The following BMAL1 variants were observed in gnomAD, a reference collection of about 807,000 sequenced individuals.
BMAL1 encodes basic helix-loop-helix ARNT-like protein 1.
the BMAL1 span, among the ~76,000 whole-genome samples, chr11:13,284,116 A>ATG: frequency 9.8e-6 from 1 of 101,666 alleles, no homozygotes; most frequent in Non-Finnish European, 1.9e-5. Flanking sequence ...GTGTGTATAT[A>ATG]TATGTGTGTG....
the BMAL1 span, among the ~76,000 whole-genome samples, chr11:13,298,290 A>G: frequency 6.6e-6 from 1 of 152,158 alleles, no homozygotes; most frequent in African/African-American, 2.4e-5. Context: ...CTTCCTGTTT[A>G]AGCTCTCCCT....
the BMAL1 span, among the ~76,000 whole-genome samples, chr11:13,368,985 T>TA: frequency 6.6e-6 from 1 of 152,264 alleles, no homozygotes; most frequent in Non-Finnish European, 1.5e-5. Context: ...ATTTAACACT[T>TA]ACAGCACATT....
the BMAL1 span, among the ~76,000 whole-genome samples, chr11:13,315,237 C>G: frequency 6.6e-6 from 1 of 152,148 alleles, no homozygotes; most frequent in Non-Finnish European, 1.5e-5. Flanking sequence ...TATGCTGTTC[C>G]CTCAGCCTGG....
the BMAL1 span, among the ~76,000 whole-genome samples, chr11:13,298,795 C>T: frequency 1.6e-4 from 24 of 152,354 alleles, no homozygotes; most frequent in African/African-American, 5.1e-4. Context: ...CTGAGCCTTT[C>T]TGCAGTCCCT....
chr11:13,293,851 C>G, the BMAL1 span, among the ~76,000 whole-genome samples: 1 of 152,212 alleles, frequency 6.6e-6, no homozygotes, highest in Non-Finnish European at 1.5e-5. Context: ...TGATTTGGTC[C>G]ATGGGCAGGT....
chr11:13,288,609 G>C, the BMAL1 span, among the ~76,000 whole-genome samples: 1 of 151,580 alleles, frequency 6.6e-6, no homozygotes, highest in South Asian at 2.1e-4. Flanking sequence ...CACTGGATTT[G>C]TTTTATTATG....
At chr11:13,310,843 G>A in the BMAL1 span, among the ~76,000 whole-genome samples, 1 of 152,230 alleles carries the variant, frequency 6.6e-6, no homozygotes, top group Non-Finnish European at 1.5e-5. Context: ...AGTGGCAGAA[G>A]TGATGTTTAC....
At chr11:13,381,016 A>C in the BMAL1 span, 1 of 678,744 alleles carries the variant, frequency 1.5e-6, no homozygotes, top group Non-Finnish European at 2.5e-6. Flanking sequence ...CATATGGCCT[A>C]GAGAGCCTAC....
chr11:13,357,391 T>C, the BMAL1 span, among the ~76,000 whole-genome samples: 1 of 152,240 alleles, frequency 6.6e-6, no homozygotes, highest in Non-Finnish European at 1.5e-5. The surrounding 1 kb of genome is among the most constrained non-coding windows in gnomAD (Gnocchi z 4.8). Context: ...GAGAACGTCT[T>C]CCTGACTGGA....
chr11:13,360,208 A>G, the BMAL1 span: 8 of 663,844 alleles, frequency 1.2e-5, no homozygotes, highest in South Asian at 1.7e-4. Flanking sequence ...GGCTCATCTC[A>G]GTTAAGGCCT....
At chr11:13,345,440 A>G in the BMAL1 span, among the ~76,000 whole-genome samples, 3 of 152,322 alleles carry the variant, frequency 2.0e-5, no homozygotes, top group African/African-American at 7.2e-5. Context: ...GGAAGCTCAG[A>G]GATAACTTGT....
At chr11:13,344,152 T>C in the BMAL1 span, among the ~76,000 whole-genome samples, 133 of 152,256 alleles carry the variant, frequency 8.7e-4, 1 homozygote, top group East Asian at 0.023. Flanking sequence ...CAACACCTCA[T>C]AAGACCTCTT....
the BMAL1 span, among the ~76,000 whole-genome samples, chr11:13,325,313 T>C: frequency 2.0e-5 from 3 of 152,226 alleles, no homozygotes; most frequent in African/African-American, 2.4e-5. Flanking sequence ...TGAGTGGGAG[T>C]CTTCTTCATG....
At chr11:13,358,524 A>G in the BMAL1 span, 1 of 1,613,470 alleles carries the variant, frequency 6.2e-7, no homozygotes, top group Admixed American at 1.7e-5. Flanking sequence ...CATGCAACGC[A>G]ATGTCCAGGA....
At chr11:13,345,960 G>T in the BMAL1 span, among the ~76,000 whole-genome samples, 1 of 152,170 alleles carries the variant, frequency 6.6e-6, no homozygotes, top group South Asian at 2.1e-4. Flanking sequence ...GGACGGAGGG[G>T]TTTCCTGGGA....
the BMAL1 span, among the ~76,000 whole-genome samples, chr11:13,365,234 CTTACT>C: frequency 7.3e-5 from 11 of 151,266 alleles, no homozygotes; most frequent in Non-Finnish European, 1.3e-4. Flanking sequence ...TGAAATATAA[CTTACT>C]TTAATTGGAC....
chr11:13,335,165 T>C, the BMAL1 span, among the ~76,000 whole-genome samples: 1 of 151,978 alleles, frequency 6.6e-6, no homozygotes, highest in Non-Finnish European at 1.5e-5. Context: ...ATCTGAAAAA[T>C]GGGGATGATA....
chr11:13,380,652 T>C, the BMAL1 span: 1 of 154,060 alleles, frequency 6.5e-6, no homozygotes, highest in African/African-American at 2.4e-5. Context: ...GTCCATGTCC[T>C]AAGAGTATTC....
the BMAL1 span, among the ~76,000 whole-genome samples, chr11:13,292,214 A>T: frequency 6.6e-6 from 1 of 152,154 alleles, no homozygotes; most frequent in African/African-American, 2.4e-5. Context: ...TCCACAAAAG[A>T]CAACTGAATG....
Sources: allele counts gnomAD v4.1 joint callset (sites outside exome capture counted in the v4.1 genomes callset), GRCh38; gene constraint gnomAD v4.1.1; non-coding constraint Gnocchi (gnomAD v3.1); transcripts MANE v1.5; gene names NCBI Gene and HGNC (gene_info 2026-07-23, HGNC 2026-07-21).